Variants in KCNMA1 observed in about 807,000 individuals in gnomAD.
KCNMA1 encodes the protein potassium calcium-activated channel subfamily M alpha 1.
In KCNMA1, 29 loss-of-function variants were observed where a neutral mutation model predicts 140.0. That is an observed-to-expected ratio of 0.21 (90% CI 0.15 to 0.28). The LOEUF is 0.28. Among genes scored for constraint, KCNMA1 ranks in the 10% least tolerant of loss-of-function variants. KCNMA1 has a pLI of 1.00. For missense variants in KCNMA1, 880 were observed against 1,602.2 expected, an observed-to-expected ratio of 0.55 and a Z score of 7.70; for synonymous variants, 612 against 611.9, an observed-to-expected ratio of 1.00 and a Z score of 0.00.
intron 1 of KCNMA1, among the ~76,000 whole-genome samples, chr10:77,597,627 A>C (rs2081311129): frequency 6.6e-6 from 1 of 152,222 alleles, no homozygotes; most frequent in South Asian, 2.1e-4. Flanking sequence ...GGCCCTACCC[A>C]ATCTGCCCTC....
rs552358524 is a variant in KCNMA1, at chr10:77,611,444, C to T, written c.378+25821G>A. ...GTCCATGGAGACATCGTTGAGCCAC[C>T]GGATCAAGGCTCATCTGAAGTCATC... On this transcript the variant is annotated intron_variant, in intron 1 of 27. Coordinates refer to ENST00000286628, the MANE Select transcript of KCNMA1 (RefSeq NM_001161352.2). 5.3e-5 allele frequency among the ~76,000 whole-genome samples: 8 copies of T among 152,220 alleles called. No homozygotes were observed. The South Asian group carries it at 1.0e-3, about 20-fold the overall frequency.
chr10:77,030,254 C>A (rs995342353), intron 15 of KCNMA1, among the ~76,000 whole-genome samples: 1 of 152,224 alleles, frequency 6.6e-6, no homozygotes, highest in Non-Finnish European at 1.5e-5. Context: ...TGCTGAAACA[C>A]CAACACACAT....
intron 3 of KCNMA1, among the ~76,000 whole-genome samples, chr10:77,216,951 C>T (rs997897327): frequency 3.9e-5 from 6 of 152,206 alleles, no homozygotes; most frequent in Admixed American, 3.3e-4. Context: ...CAGGTCTCTG[C>T]TCTGTCCCTG....
At position 76,887,025 on chromosome 10, in the gene KCNMA1, A is replaced by G. The variant is rs1479540298; in HGVS notation, c.*241T>C. ...TATGTCTGGAGCATGCCTTTGGGTT[A>G]TTTTTCCCCCAGAATCATAAATAAC... On this transcript the variant is annotated 3_prime_UTR_variant, in exon 28 of 28. Coordinates refer to ENST00000286628, the MANE Select transcript of KCNMA1 (RefSeq NM_001161352.2). 3 of 1,376,032 alleles carry G rather than the reference A, an allele frequency of 2.2e-6. No homozygotes were observed. The highest frequency in any genetic ancestry group is 2.8e-6 in the Non-Finnish European group (3 of 1,058,308). The allele number at this position is 1,376,032 out of a possible 1,614,324, so 85.2% of individuals were successfully genotyped here.
At chr10:77,111,631 G>A (rs1476053394) in intron 7 of KCNMA1, among the ~76,000 whole-genome samples, 1 of 152,124 alleles carries the variant, frequency 6.6e-6, no homozygotes, top group African/African-American at 2.4e-5. Context: ...TCTTCCTTTG[G>A]GTGATAATTA....
chr10:77,355,072 C>A (rs2093350421), intron 2 of KCNMA1: 1 of 152,468 alleles, frequency 6.6e-6, no homozygotes. Flanking sequence ...TTCCCCCATA[C>A]TGTTCTCGTG....
intron 1 of KCNMA1, among the ~76,000 whole-genome samples, chr10:77,534,981 A>G (rs2058547125): frequency 6.6e-6 from 1 of 152,196 alleles, no homozygotes; most frequent in Non-Finnish European, 1.5e-5. Context: ...TACAACCTAT[A>G]ACCCATAATC....
chr10:77,153,410 T>A (rs190350179), intron 5 of KCNMA1, among the ~76,000 whole-genome samples: 44 of 152,290 alleles, frequency 2.9e-4, no homozygotes, highest in Non-Finnish European at 4.4e-5. Flanking sequence ...CTGGCCCTAT[T>A]GCCCAGGCTG....
intron 2 of KCNMA1, among the ~76,000 whole-genome samples, chr10:77,380,636 G>A (rs2095350445): frequency 6.6e-6 from 1 of 152,066 alleles, no homozygotes; most frequent in African/African-American, 2.4e-5. Flanking sequence ...TCCCTCAAAT[G>A]CACCCATAAA....
chr10:77,636,724 G>C (rs1349223063), intron 1 of KCNMA1: 1 of 1,505,662 alleles, frequency 6.6e-7, no homozygotes, highest in African/African-American at 1.4e-5. Flanking sequence ...CTCCTCCCCC[G>C]GGATTCCCTT....
chr10:77,495,821 A>G (rs2041709253), intron 1 of KCNMA1, among the ~76,000 whole-genome samples: 1 of 152,042 alleles, frequency 6.6e-6, no homozygotes, highest in Non-Finnish European at 1.5e-5. Context: ...AGAGACCCCC[A>G]CACCAGGGAC....
intron 2 of KCNMA1, among the ~76,000 whole-genome samples, chr10:77,371,145 C>G (rs2094679342): frequency 6.6e-6 from 1 of 152,250 alleles, no homozygotes; most frequent in Non-Finnish European, 1.5e-5. Context: ...TTACCCAACA[C>G]TGAACGAGAC....
chr10:77,367,942 C>A (rs1566315722), intron 2 of KCNMA1, among the ~76,000 whole-genome samples: 2 of 152,150 alleles, frequency 1.3e-5, no homozygotes, highest in Admixed American at 6.5e-5. Context: ...TTGTTTTAGC[C>A]ATTCACCCAC....
At chr10:77,137,048 G>C (rs1282116794) in intron 5 of KCNMA1, among the ~76,000 whole-genome samples, 1 of 152,136 alleles carries the variant, frequency 6.6e-6, no homozygotes, top group Admixed American at 6.6e-5. Flanking sequence ...CAGATTAAGG[G>C]ATCTTGAACT....
At chr10:77,149,750 G>A (rs2098384682) in intron 5 of KCNMA1, 1 of 152,178 alleles carries the variant, frequency 6.6e-6, no homozygotes, top group Non-Finnish European at 1.5e-5. Flanking sequence ...GGCAGGCTTT[G>A]TTGACCTAAC....
chr10:77,370,925 C>T (rs1438138140), intron 2 of KCNMA1, among the ~76,000 whole-genome samples: 2 of 152,308 alleles, frequency 1.3e-5, no homozygotes, highest in Non-Finnish European at 2.9e-5. Context: ...CAGTGGGGCA[C>T]TCAGCTAACA....
At chr10:77,520,492 C>A (rs550961912) in intron 1 of KCNMA1, among the ~76,000 whole-genome samples, 2 of 152,116 alleles carry the variant, frequency 1.3e-5, no homozygotes, top group East Asian at 3.9e-4. Context: ...GGCACAGTGA[C>A]CAGCAGGTAG....
Position 77,558,132 on chromosome 10 carries a change from C to T in KCNMA1, c.378+79133G>A, listed in dbSNP as rs540473640. ...CCTTCACAACAAACCTGTGACATTT[C>T]TTACCCCCTATGAATGGTTAAGGAA... On this transcript the variant is annotated intron_variant, in intron 1 of 27. Coordinates refer to ENST00000286628, the MANE Select transcript of KCNMA1 (RefSeq NM_001161352.2). Among the ~76,000 whole-genome samples, 104 of 152,292 alleles carry T rather than the reference C, an allele frequency of 6.8e-4. 1 individual carries two copies. The South Asian group carries it at 7.0e-3, about 10-fold the overall frequency.
intron 9 of KCNMA1, among the ~76,000 whole-genome samples, chr10:77,093,234 C>A (rs2096855833): frequency 6.6e-6 from 1 of 151,908 alleles, no homozygotes; most frequent in African/African-American, 2.4e-5. Context: ...AGAAAAAAAA[C>A]CTTCCTTCAA....
Sources: gnomAD v4.1 joint callset for allele counts (sites outside exome capture counted in the v4.1 genomes callset) on GRCh38, gnomAD v4.1.1 for gene constraint, MANE v1.5 for transcripts, NCBI Gene and HGNC (gene_info 2026-07-23, HGNC 2026-07-21) for gene names.